GABRB1: variants seen among roughly 807,000 people sequenced by gnomAD.
The protein encoded by GABRB1 is gamma-aminobutyric acid type A receptor subunit beta1, also known as gamma-aminobutyric acid receptor subunit beta-1.
A neutral mutation model predicts 51.6 loss-of-function variants in GABRB1; 17 were observed. The observed-to-expected ratio is 0.33, with a 90% CI of 0.23 to 0.49. GABRB1 has a LOEUF of 0.49. GABRB1 is among the 20% of genes least tolerant of loss of function. The pLI is 0.99. For synonymous variants in GABRB1, 247 were observed against 218.9 expected (o/e 1.13, Z -1.14); for missense variants, 410 against 600.6 (o/e 0.68, Z 3.32).
chr4:47,263,131 C>T (rs1451761909), intron 4 of GABRB1, among the ~76,000 whole-genome samples: 1 of 151,288 alleles, frequency 6.6e-6, no homozygotes, highest in African/African-American at 2.4e-5. Context: ...TAGCAGGGCA[C>T]ATGTATACAT....
intron 8 of GABRB1, among the ~76,000 whole-genome samples, chr4:47,423,626 C>T (rs1238610376): frequency 6.6e-6 from 1 of 152,102 alleles, no homozygotes; most frequent in Non-Finnish European, 1.5e-5. Flanking sequence ...AGGCAAAGTA[C>T]AAAGGTACAC....
intron 4 of GABRB1, among the ~76,000 whole-genome samples, chr4:47,299,246 C>A (rs887554535): frequency 1.3e-4 from 20 of 152,126 alleles, no homozygotes; most frequent in South Asian, 4.1e-4. Flanking sequence ...AATGGGATCT[C>A]ATTAAACTAA....
chr4:47,346,776 T>C (rs1349284109), intron 5 of GABRB1, among the ~76,000 whole-genome samples: 1 of 152,248 alleles, frequency 6.6e-6, no homozygotes, highest in Non-Finnish European at 1.5e-5. Flanking sequence ...GTTTGCATCC[T>C]TGCTGTTTTC....
At chr4:47,197,739 C>T (rs1229906908) in intron 4 of GABRB1, among the ~76,000 whole-genome samples, 8 of 152,118 alleles carry the variant, frequency 5.3e-5, no homozygotes, top group African/African-American at 4.8e-5. Flanking sequence ...ACTATATATG[C>T]CATACATGTT....
At chr4:47,226,485 G>C (rs1177531519) in intron 4 of GABRB1, among the ~76,000 whole-genome samples, 1 of 152,042 alleles carries the variant, frequency 6.6e-6, no homozygotes, top group Non-Finnish European at 1.5e-5. Flanking sequence ...ATTGTGAAAA[G>C]AGCATCCTCT....
At chr4:47,058,289 A>C (rs1577868815) in intron 3 of GABRB1, among the ~76,000 whole-genome samples, 1 of 152,244 alleles carries the variant, frequency 6.6e-6, no homozygotes, top group African/African-American at 2.4e-5. Flanking sequence ...GGTTCATTGA[A>C]CAAATAGCAA....
chr4:47,049,079 AC>A (rs1418209907), intron 3 of GABRB1, among the ~76,000 whole-genome samples: 4 of 140,786 alleles, frequency 2.8e-5, no homozygotes, highest in Non-Finnish European at 4.7e-5. Flanking sequence ...AAAAAAAAAA[AC>A]TGTTGCCAGA....
rs193012639 is a variant in GABRB1 at position 47,309,380 on chromosome 4, G to A, written c.462-10747G>A. Among the ~76,000 whole-genome samples the A allele has an allele frequency of 3.3e-3, 496 of 152,082 alleles. 7 individuals are homozygous for A. Among genetic ancestry groups the A allele is most frequent in the Admixed American group, 0.03 (458 of 15,260 alleles). On this transcript the variant is annotated intron_variant, in intron 4 of 8. Transcript: ENST00000295454. ...AGTGAATAATAATGGGCCCATTTAT[G>A]CAACCTTTGCTGTGTAGCTAATTAG... is the stretch of plus-strand genomic sequence containing the variant.
At chr4:47,134,707 A>G (rs538958536) in intron 3 of GABRB1, among the ~76,000 whole-genome samples, 139 of 152,330 alleles carry the variant, frequency 9.1e-4, no homozygotes, top group African/African-American at 3.1e-3. Flanking sequence ...TAAAGATGAA[A>G]TAATTCCGTT....
At chr4:47,295,961 C>T (rs567388338) in intron 4 of GABRB1, among the ~76,000 whole-genome samples, 9 of 152,206 alleles carry the variant, frequency 5.9e-5, no homozygotes, top group Admixed American at 2.0e-4. Context: ...ATTCAACATT[C>T]TTAAAGAAAA....
At chr4:47,173,004 T>G (rs1219644156) in intron 4 of GABRB1, among the ~76,000 whole-genome samples, 3 of 152,152 alleles carry the variant, frequency 2.0e-5, no homozygotes, top group African/African-American at 7.2e-5. Context: ...CACAAAGAAC[T>G]GGAGCTGAGA....
At chr4:47,313,117 A>G (rs1724765759) in intron 4 of GABRB1, among the ~76,000 whole-genome samples, 1 of 152,186 alleles carries the variant, frequency 6.6e-6, no homozygotes, top group Non-Finnish European at 1.5e-5. Flanking sequence ...GTTCTGACCT[A>G]ACTTTCAAAA....
chr4:46,995,612 C>T (rs1371594161), intron 1 of GABRB1, among the ~76,000 whole-genome samples: 2 of 152,180 alleles, frequency 1.3e-5, no homozygotes, highest in Non-Finnish European at 2.9e-5. Context: ...GATCCTCCTG[C>T]CTCTGTCTCC....
intron 3 of GABRB1, among the ~76,000 whole-genome samples, chr4:47,082,336 C>T (rs1183834755): frequency 1.3e-5 from 2 of 151,940 alleles, no homozygotes; most frequent in Non-Finnish European, 2.9e-5. Flanking sequence ...CCATTAAATT[C>T]TAGCTAAATA....
chr4:47,089,930 A>G (rs554283605), intron 3 of GABRB1, among the ~76,000 whole-genome samples: 1 of 152,208 alleles, frequency 6.6e-6, no homozygotes, highest in Non-Finnish European at 1.5e-5. Flanking sequence ...TTCTCATCAC[A>G]TTATCTGCAA....
At chr4:47,111,536 A>G (rs1036955016) in intron 3 of GABRB1, among the ~76,000 whole-genome samples, 4 of 152,116 alleles carry the variant, frequency 2.6e-5, no homozygotes, top group Admixed American at 6.6e-5. Context: ...CTAATCTGCC[A>G]TTCAGTTGCG....
In GABRB1 at chr4:47,371,975, C is replaced by A. The variant is rs189105521; in HGVS notation, c.545-31343C>A. Among the ~76,000 whole-genome samples the A allele has an allele frequency of 1.2e-3, 176 of 152,262 alleles. 2 individuals carry two copies. The highest frequency in any genetic ancestry group is 6.8e-3 in the Middle Eastern group (2 of 294). ...CATTTGTCAATTTTTGTTTTCGTTG[C>A]AATTGCTTTTGGTGTTTTTATTGTG... On this transcript the variant is annotated intron_variant, in intron 5 of 8. Coordinates refer to ENST00000295454, the MANE Select transcript of GABRB1 (RefSeq NM_000812.4).
intron 4 of GABRB1, among the ~76,000 whole-genome samples, chr4:47,208,029 T>C (rs985243147): frequency 6.6e-6 from 1 of 152,068 alleles, no homozygotes; most frequent in Non-Finnish European, 1.5e-5. Flanking sequence ...TTTCTGACTA[T>C]ACATCAGTGC....
intron 4 of GABRB1, among the ~76,000 whole-genome samples, chr4:47,195,445 TGA>T (rs1719634218): frequency 2.5e-4 from 32 of 129,726 alleles, no homozygotes; most frequent in South Asian, 1.7e-3. Context: ...GATAGATAGA[TGA>T]TAGATAGATT....
Sources: gnomAD v4.1 joint callset for allele counts (sites outside exome capture counted in the v4.1 genomes callset) on GRCh38, gnomAD v4.1.1 for gene constraint, MANE v1.5 for transcripts, NCBI Gene and HGNC (gene_info 2026-07-23, HGNC 2026-07-21) for gene names.